Variants in PRR11 observed in about 807,000 individuals in gnomAD.
PRR11 encodes proline-rich protein 11.
Under a neutral mutation model 45.6 loss-of-function variants are expected in PRR11, and 30 were observed. That is an observed-to-expected ratio of 0.66 (90% confidence interval 0.49 to 0.89). PRR11 has a LOEUF of 0.89. PRR11 is among the 40% of genes least tolerant of loss of function. PRR11 has a pLI of 0.00. For missense variants in PRR11, 373 were observed against 424.8 expected, an observed-to-expected ratio of 0.88 and a Z score of 1.07; for synonymous variants, 128 against 153.5, an observed-to-expected ratio of 0.83 and a Z score of 1.23.
chr17:59,194,793 A>G lies in PRR11; in HGVS notation c.682A>G (p.Thr228Ala). The G allele has an allele frequency of 6.2e-7, 1 of 1,614,010 alleles. No individual in the cohort carries two copies. Among genetic ancestry groups the G allele is most frequent in the Non-Finnish European group, 8.5e-7 (1 of 1,179,910 alleles). ...AAAAAAAGATGGACCCATGCAGATA[A>G]CAGTTAAAGATCTGCTGACTGTAAA... ...PLKKDGPMQI[T>A]VKDLLTVKLK... Residue 228 changes from threonine to alanine, a missense_variant, in exon 6 of 10, where the codon ACA (threonine) becomes GCA (alanine). Thr to Ala is a moderately conservative substitution (Grantham distance 58). Transcript: ENST00000262293.
At chr17:59,159,895 T>C (rs927304572) in intron 1 of PRR11, among the ~76,000 whole-genome samples, 3 of 152,176 alleles carry the variant, frequency 2.0e-5, no homozygotes, top group Admixed American at 6.5e-5. Context: ...TCCATTAATA[T>C]CATATACATA....
chr17:59,168,025 A>T (rs1433789278), intron 1 of PRR11, among the ~76,000 whole-genome samples: 1 of 151,868 alleles, frequency 6.6e-6, no homozygotes, highest in Non-Finnish European at 1.5e-5. Context: ...CTGTGGTTCA[A>T]ATGTCTCTAT....
At chr17:59,173,228 T>A (rs2046720476) in intron 2 of PRR11, among the ~76,000 whole-genome samples, 1 of 152,130 alleles carries the variant, frequency 6.6e-6, no homozygotes, top group South Asian at 2.1e-4. Context: ...AATGGACCAA[T>A]CAGCTCTCTG....
intron 2 of PRR11, among the ~76,000 whole-genome samples, chr17:59,180,510 G>GTTTTTTTTTTTTTTTTTTTTTTTTT (rs1555716481): frequency 9.2e-6 from 1 of 108,632 alleles, no homozygotes; most frequent in African/African-American, 4.4e-5. Flanking sequence ...TTTTTTTTTT[G>GTTTTTTTTTTTTTTTTTTTTTTTTT]TTTTTTTTGT....
At chr17:59,178,110 G>T (rs1015688867) in intron 2 of PRR11, among the ~76,000 whole-genome samples, 1 of 152,010 alleles carries the variant, frequency 6.6e-6, no homozygotes, top group Non-Finnish European at 1.5e-5. Flanking sequence ...AAGGCAAGCG[G>T]AACACCTGAG....
chr17:59,192,291 TG>T (rs2147853362), intron 4 of PRR11, among the ~76,000 whole-genome samples: 1 of 152,258 alleles, frequency 6.6e-6, no homozygotes, highest in South Asian at 2.1e-4. Flanking sequence ...CCCAGAGGTA[TG>T]GGAGGCAGTG....
intron 2 of PRR11, chr17:59,177,023 T>C: frequency 1.2e-5 from 5 of 400,816 alleles, no homozygotes; most frequent in South Asian, 9.7e-5. Context: ...AACAGCAGTC[T>C]AAAAACAAGA....
chr17:59,181,662 C>T (rs991338380), intron 2 of PRR11: 49 of 1,532,936 alleles, frequency 3.2e-5, no homozygotes, highest in African/African-American at 1.2e-4. Flanking sequence ...GCGCCTCCTC[C>T]GATGACTCCT....
chr17:59,181,396 TG>T, intron 2 of PRR11: 1 of 784,186 alleles, frequency 1.3e-6, no homozygotes, highest in Non-Finnish European at 1.9e-6. Context: ...TCCTCCCGCA[TG>T]GAGAGCTCAC....
intron 2 of PRR11, chr17:59,177,176 G>A (rs879424827): frequency 1.1e-5 from 6 of 549,340 alleles, no homozygotes; most frequent in Non-Finnish European, 7.3e-6. Flanking sequence ...CACAGAGCCA[G>A]GAATAAATGA....
chr17:59,200,089 GAAC>G (rs1258814581), intron 9 of PRR11, among the ~76,000 whole-genome samples: 2 of 152,162 alleles, frequency 1.3e-5, no homozygotes, highest in South Asian at 2.1e-4. Context: ...GCCACATATT[GAAC>G]AACAACAAAA....
chr17:59,187,862 TAA>T (rs761905476), intron 4 of PRR11, among the ~76,000 whole-genome samples: 61 of 128,088 alleles, frequency 4.8e-4, no homozygotes, highest in Admixed American at 5.5e-4. Context: ...GAGACTCCAT[TAA>T]AAAAAAAAAA....
rs987657080 is a variant in PRR11, at chr17:59,201,965, A to G, written c.*334A>G. 22 of 242,646 alleles carry G rather than the reference A, an allele frequency of 9.1e-5. No individual in the cohort carries two copies. Among genetic ancestry groups the G allele is most frequent in the African/African-American group, 4.8e-4 (22 of 45,614 alleles). The allele number at this position is 242,646 out of a possible 1,614,324, so 15.0% of individuals were successfully genotyped here. A position where few individuals can be genotyped will look rare whatever the true frequency, so the allele number is the denominator to read the frequency against. On this transcript the variant is annotated 3_prime_UTR_variant, in exon 10 of 10. Coordinates refer to ENST00000262293, the MANE Select transcript of PRR11 (RefSeq NM_018304.4). The stretch of plus-strand genomic sequence containing the variant: ...CAGCCTGAGCAACAAGAGCAAAACA[A>G]AAACAAACAAACAAACAAAAAAAAC...
intron 2 of PRR11, among the ~76,000 whole-genome samples, chr17:59,179,451 C>T (rs565417360): frequency 1.3e-5 from 2 of 152,278 alleles, no homozygotes; most frequent in East Asian, 3.9e-4. Context: ...ACCAAGCTTT[C>T]TTATCCCAAT....
In PRR11 at chr17:59,185,041, G is replaced by C; in HGVS notation, c.129-13G>C. The C allele has an allele frequency of 6.2e-7, 1 of 1,609,998 alleles. No individual in the cohort carries two copies. Among genetic ancestry groups the C allele is most frequent in the South Asian group, 1.1e-5 (1 of 90,936 alleles). ...AGGGGTTTTTTATTTGTTTCATTTT[G>C]TTTTTCCTACAGAGTCGGTATTTCT... On this transcript the variant is annotated splice_polypyrimidine_tract_variant and intron_variant, in intron 2 of 9. Transcript: ENST00000262293.
At chr17:59,169,698 A>G (rs2046697480) in intron 1 of PRR11, 50 bp from the exon 2 acceptor site, 1 of 1,414,856 alleles carries the variant, frequency 7.1e-7, no homozygotes, top group African/African-American at 1.5e-5. Context: ...TGTACTTTCT[A>G]TATGTATATA....
Position 59,182,647 on chromosome 17 carries a change from C to A in PRR11, c.129-2407C>A, listed in dbSNP as rs576785406. 1.2e-4 allele frequency among the ~76,000 whole-genome samples: 19 copies of A among 152,196 alleles called. No individual in the cohort carries two copies. The South Asian group carries it at 3.7e-3, about 30-fold the overall frequency. ...ACCTCAGGTGATCCATCCGCCTCGG[C>A]CTCCCAAAGTGTTAGGGTTACAGGT... On this transcript the variant is annotated intron_variant, in intron 2 of 9. Transcript: ENST00000262293.
In PRR11 at chr17:59,206,222, C is replaced by T. The variant is rs150968307; in HGVS notation, c.*4591C>T. Among the ~76,000 whole-genome samples the T allele has an allele frequency of 1.9e-4, 29 of 152,044 alleles. No homozygotes were observed. The highest frequency in any genetic ancestry group is 5.8e-4 in the East Asian group (3 of 5,166). On this transcript the variant is annotated 3_prime_UTR_variant, in exon 10 of 10. Transcript: ENST00000262293. ...ACTCTACAAAAAACGAAAAATTAGC[C>T]GGGAGCGGTGATGTGTGCCTGTAGT...
At chr17:59,185,748 G>A (rs952526266) in intron 4 of PRR11, among the ~76,000 whole-genome samples, 186 bp downstream of exon 4, 26 of 152,208 alleles carry the variant, frequency 1.7e-4, no homozygotes, top group African/African-American at 6.0e-4. Flanking sequence ...GAAGTAAGAT[G>A]AAGAGCTGGG....
Sources: allele counts gnomAD v4.1 joint callset (sites outside exome capture counted in the v4.1 genomes callset), GRCh38; gene constraint gnomAD v4.1.1; transcripts MANE v1.5; gene names NCBI Gene and HGNC (gene_info 2026-07-23, HGNC 2026-07-21).